SGCD: variants seen among roughly 807,000 people sequenced by gnomAD.
The protein encoded by SGCD is delta-sarcoglycan.
In SGCD, 18 loss-of-function variants were observed where a neutral mutation model predicts 36.6. That is an observed-to-expected ratio of 0.49 (90% confidence interval 0.34 to 0.73). SGCD has a LOEUF of 0.73. Among genes scored for constraint, SGCD ranks in the 30% least tolerant of loss-of-function variants. SGCD has a pLI of 0.01. For missense variants in SGCD, 387 were observed against 346.7 expected (o/e 1.12, Z -0.92); for synonymous variants, 133 against 130.6 (o/e 1.02, Z -0.12).
chr5:155,905,318 T>C (rs1756480835), intron 1 of SGCD, among the ~76,000 whole-genome samples: 1 of 152,198 alleles, frequency 6.6e-6, no homozygotes, highest in African/African-American at 2.4e-5. Context: ...AACTATTTTA[T>C]CTAGCACATG....
intron 3 of SGCD, among the ~76,000 whole-genome samples, chr5:156,481,867 T>A (rs1271386167): frequency 6.6e-6 from 1 of 152,092 alleles, no homozygotes; most frequent in South Asian, 2.1e-4. Flanking sequence ...TGTGAGCAAG[T>A]CTTTGAAGAG....
At chr5:155,796,806 C>CAAAAAAAAAAAAAA in the SGCD span, among the ~76,000 whole-genome samples, 44 of 51,318 alleles carry the variant, frequency 8.6e-4, no homozygotes, top group Non-Finnish European at 1.1e-3. Context: ...AACTCCATCT[C>CAAAAAAAAAAAAAA]AAAAAAAAAA....
chr5:156,092,523 A>G (rs1761269047), intron 1 of SGCD, among the ~76,000 whole-genome samples: 1 of 152,164 alleles, frequency 6.6e-6, no homozygotes, highest in Non-Finnish European at 1.5e-5. Context: ...TAGTGTGCCA[A>G]TTTTTGAACC....
chr5:155,797,647 G>A, the SGCD span, among the ~76,000 whole-genome samples: 1 of 152,176 alleles, frequency 6.6e-6, no homozygotes. Flanking sequence ...GAAGACCCGA[G>A]TTCTAATTTT....
chr5:156,163,392 A>G (rs1308805307), intron 3 of SGCD, among the ~76,000 whole-genome samples: 1 of 151,536 alleles, frequency 6.6e-6, no homozygotes, highest in Admixed American at 6.6e-5. Flanking sequence ...CTAGCTTGGC[A>G]TGACTCTGAT....
chr5:156,671,429 C>T (rs1180211637), intron 7 of SGCD, among the ~76,000 whole-genome samples: 1 of 152,056 alleles, frequency 6.6e-6, no homozygotes, highest in Non-Finnish European at 1.5e-5. Context: ...CACACCACTA[C>T]ACCTGGCTAA....
intron 1 of SGCD, among the ~76,000 whole-genome samples, chr5:156,113,391 G>A (rs1761835879): frequency 6.6e-6 from 1 of 152,050 alleles, no homozygotes; most frequent in African/African-American, 2.4e-5. Context: ...TTCCAGTACT[G>A]TTTCAGGGAC....
rs190665748 is a variant in SGCD at position 156,068,265 on chromosome 5, C to T, written c.-281-49613C>T. On this transcript the variant is annotated intron_variant, in intron 1 of 9. Transcript: ENST00000517913. ...TCAGGTATGTCTCCTAAAGCTATCCCTCCCCCCTTTCCCCACCCCACAACA... is the reference window on the plus strand; with the variant it reads ...TCAGGTATGTCTCCTAAAGCTATCCTTCCCCCCTTTCCCCACCCCACAACA... Among the ~76,000 whole-genome samples, 322 of 151,946 alleles carry T rather than the reference C, an allele frequency of 2.1e-3. 3 individuals carry two copies. In the East Asian group the frequency reaches 0.032, roughly 15 times the overall value.
the SGCD span, among the ~76,000 whole-genome samples, chr5:155,847,445 A>G: frequency 6.6e-6 from 1 of 152,208 alleles, no homozygotes; most frequent in South Asian, 2.1e-4. Flanking sequence ...ACTGCAGCAG[A>G]TTAAAGATGC....
rs557718338 is a variant in SGCD, at chr5:156,144,245, A to G, written c.-44+20226A>G. Among the ~76,000 whole-genome samples, 17 of 152,174 alleles carry G rather than the reference A, an allele frequency of 1.1e-4. No homozygotes were observed. The East Asian group carries it at 3.3e-3, about 30-fold the overall frequency. On this transcript the variant is annotated intron_variant, in intron 3 of 9. Coordinates refer to the SGCD transcript ENST00000517913. ...CAGCATGATTTATAATCCTTTGGGTATATACCCAGTAATGGGATGGCTGGG... is the reference window on the plus strand; with the variant it reads ...CAGCATGATTTATAATCCTTTGGGTGTATACCCAGTAATGGGATGGCTGGG...
rs575467951 is a variant in SGCD at position 156,055,203 on chromosome 5, TTC to T, written c.-281-62673_-281-62672del. On this transcript the variant is annotated intron_variant, in intron 1 of 9. Coordinates refer to the SGCD transcript ENST00000517913. ...CCCTGAGGCTACTCCTTTTTTTTCT[TTC>T]TTTCTTTCTTTTCTTTTTTTTCTTA... Among the ~76,000 whole-genome samples, 6 of 146,480 alleles carry T rather than the reference TTC, an allele frequency of 4.1e-5. No homozygotes were observed. In the East Asian group the frequency reaches 1.2e-3, roughly 28 times the overall value.
chr5:155,966,129 T>C lies in SGCD; in HGVS notation c.-282+95705T>C, dbSNP rs554336360. Among the ~76,000 whole-genome samples, 4 of 152,208 alleles carry C rather than the reference T, an allele frequency of 2.6e-5. No individual in the cohort carries two copies. In the South Asian group the frequency reaches 8.3e-4, roughly 32 times the overall value. ...AGGAGTGTGTCGATGCTGAGAGAAG[T>C]GTCTGGAAATCCCACGTTCTTTACA... On this transcript the variant is annotated intron_variant, in intron 1 of 9. Coordinates refer to the SGCD transcript ENST00000517913.
At chr5:155,998,062 G>A (rs1758590138) in intron 1 of SGCD, among the ~76,000 whole-genome samples, 1 of 152,214 alleles carries the variant, frequency 6.6e-6, no homozygotes, top group African/African-American at 2.4e-5. Flanking sequence ...CCTCTAGGTA[G>A]GACTCTACTG....
chr5:155,835,002 ATTTTTT>A, the SGCD span, among the ~76,000 whole-genome samples: 22 of 60,178 alleles, frequency 3.7e-4, 1 homozygote, highest in Middle Eastern at 0.014. Flanking sequence ...TGCCCAGCTA[ATTTTTT>A]TTTTTTTTTT....
chr5:155,994,961 A>G (rs1360714333), intron 1 of SGCD, among the ~76,000 whole-genome samples: 2 of 152,222 alleles, frequency 1.3e-5, no homozygotes, highest in Non-Finnish European at 2.9e-5. Flanking sequence ...GCAACCATTC[A>G]GGGATAGAAC....
rs1034003248 is a variant in SGCD, at chr5:156,735,330, G to C, written c.576-22251G>C. On this transcript the variant is annotated intron_variant, in intron 7 of 8. Transcript: ENST00000337851. ...AGCTTGGACTCTCCAAAGCCCAAAG[G>C]CTGGAACTACTAAGCCACCCAAACA... Among the ~76,000 whole-genome samples, 5 of 152,114 alleles carry C rather than the reference G, an allele frequency of 3.3e-5. No homozygotes were observed. The East Asian group carries it at 5.8e-4, about 18-fold the overall frequency.
intron 1 of SGCD, among the ~76,000 whole-genome samples, chr5:156,070,566 C>T (rs1356732291): frequency 6.6e-6 from 1 of 151,482 alleles, no homozygotes; most frequent in Non-Finnish European, 1.5e-5. Flanking sequence ...CATCAGTGTT[C>T]ATCAAGGATA....
At chr5:156,529,719 AC>A (rs1757805047) in intron 4 of SGCD, among the ~76,000 whole-genome samples, 1 of 152,090 alleles carries the variant, frequency 6.6e-6, no homozygotes, top group Non-Finnish European at 1.5e-5. Context: ...AGCTGAAAAA[AC>A]TTTTTTGCCA....
intron 3 of SGCD, among the ~76,000 whole-genome samples, chr5:156,392,268 G>A (rs6862189): frequency 0.19 from 29,314 of 152,086 alleles, 2,881 homozygotes; most frequent in Middle Eastern, 0.26. Context: ...AAGAATGGAC[G>A]GGGTCTTCAA....
Sources: gnomAD v4.1 joint callset for allele counts (sites outside exome capture counted in the v4.1 genomes callset) on GRCh38, gnomAD v4.1.1 for gene constraint, MANE v1.5 for transcripts, NCBI Gene and HGNC (gene_info 2026-07-23, HGNC 2026-07-21) for gene names.